DGKD: variants seen among roughly 807,000 people sequenced by gnomAD.
DGKD encodes the protein diacylglycerol kinase delta.
In DGKD, 68 loss-of-function variants were observed where a neutral mutation model predicts 154.4. The ratio of observed to expected loss-of-function variants is 0.44; its 90% confidence interval spans 0.36 to 0.54. DGKD has a LOEUF of 0.54. DGKD is among the 20% of genes least tolerant of loss of function. DGKD has a pLI of 0.00. For synonymous variants in DGKD, 693 were observed against 638.0 expected (o/e 1.09, Z -1.30); for missense variants, 1,343 against 1,593.6 (o/e 0.84, Z 2.68).
chr2:233,394,384 AG>A (rs1181667403), intron 3 of DGKD, among the ~76,000 whole-genome samples: 2 of 152,088 alleles, frequency 1.3e-5, no homozygotes, highest in Non-Finnish European at 1.5e-5. Flanking sequence ...CTGGGACTAC[AG>A]GTGCTTGATA....
chr2:233,419,523 G>A, intron 3 of DGKD: 1 of 832,318 alleles, frequency 1.2e-6, no homozygotes, highest in Non-Finnish European at 1.4e-6. Context: ...GAGCTTCCTT[G>A]TAAGATGCTC....
At chr2:233,397,311 C>G (rs1163747149) in intron 3 of DGKD, among the ~76,000 whole-genome samples, 2 of 70,026 alleles carry the variant, frequency 2.9e-5, no homozygotes, top group Non-Finnish European at 5.6e-5. Context: ...GGGGGGGGGG[C>G]CAGAGCGAGA....
chr2:233,397,459 G>GC (rs2061440192), intron 3 of DGKD, among the ~76,000 whole-genome samples: 1 of 143,156 alleles, frequency 7.0e-6, no homozygotes, highest in East Asian at 2.2e-4. Flanking sequence ...CAGAGTGAGA[G>GC]GACACCAGAG....
intron 3 of DGKD, chr2:233,429,133 G>T: frequency 2.0e-6 from 2 of 985,248 alleles, no homozygotes; most frequent in Non-Finnish European, 2.4e-6. Context: ...TGGGCCCAAA[G>T]ATCCATCTTC....
intron 27 of DGKD, 85 bp from the exon 28 acceptor site, chr2:233,467,001 C>T: frequency 9.2e-7 from 1 of 1,088,734 alleles, no homozygotes; most frequent in Non-Finnish European, 1.4e-6. Flanking sequence ...GCCCTGCCTG[C>T]CCTCCCAGCC....
In DGKD at chr2:233,439,187, G is replaced by A. The variant is rs570537717; in HGVS notation, c.1085+808G>A. On this transcript the variant is annotated intron_variant, in intron 9 of 29. Coordinates refer to ENST00000264057, the MANE Select transcript of DGKD (RefSeq NM_152879.3). ...TCTAAGAGGACTTGCTGGCACTGCC[G>A]GAGATGTCCAGGATACCCGTAGTGG... 2.8e-4 allele frequency among the ~76,000 whole-genome samples: 42 copies of A among 152,344 alleles called. 1 individual carries two copies. Among genetic ancestry groups the A allele is most frequent in the South Asian group, 2.5e-3 (12 of 4,826 alleles).
intron 3 of DGKD, among the ~76,000 whole-genome samples, chr2:233,413,250 A>T (rs951841783): frequency 2.0e-5 from 3 of 152,094 alleles, no homozygotes; most frequent in African/African-American, 7.2e-5. Context: ...ATACATATAT[A>T]TGTAGTGAGT....
At chr2:233,442,060 C>A (rs777669954) in intron 10 of DGKD, 65 bp downstream of exon 10, 6 of 1,337,640 alleles carry the variant, frequency 4.5e-6, no homozygotes, top group Non-Finnish European at 5.4e-6. Context: ...GGAAATCATG[C>A]AGTCTCAGCT....
chr2:233,410,133 T>C (rs2061790484), intron 3 of DGKD, among the ~76,000 whole-genome samples: 1 of 152,194 alleles, frequency 6.6e-6, no homozygotes, highest in Non-Finnish European at 1.5e-5. Flanking sequence ...GCTGTTTTCT[T>C]TGTAGCTGAA....
Position 233,360,411 on chromosome 2 carries a change from T to G in DGKD, c.156+5737T>G, listed in dbSNP as rs138597014. 3.2e-3 allele frequency among the ~76,000 whole-genome samples: 483 copies of G among 152,252 alleles called. 1 individual carries two copies. Among genetic ancestry groups the G allele is most frequent in the African/African-American group, 0.011 (450 of 41,536 alleles). On this transcript the variant is annotated intron_variant, in intron 1 of 29. Coordinates refer to ENST00000264057, the MANE Select transcript of DGKD (RefSeq NM_152879.3). ...GACTCCAGATGCATTCCATGATGCC[T>G]GGCTAATTTAAAAACACATTTTTAT...
intron 16 of DGKD, 112 bp from the exon 17 acceptor site, chr2:233,450,810 T>C: frequency 1.4e-6 from 2 of 1,387,820 alleles, no homozygotes. Context: ...CTGCCTGTGG[T>C]TTGCAGCCCT....
At chr2:233,447,826 G>A (rs1439116239) in intron 12 of DGKD, 2 of 1,287,146 alleles carry the variant, frequency 1.6e-6, no homozygotes, top group Non-Finnish European at 2.0e-6. Context: ...AGGCCGTGCT[G>A]GGATCGCAGA....
At chr2:233,405,379 G>C (rs946839935) in intron 3 of DGKD, among the ~76,000 whole-genome samples, 19 of 152,194 alleles carry the variant, frequency 1.2e-4, no homozygotes, top group African/African-American at 4.6e-4. Flanking sequence ...TTAGCTGGGT[G>C]TGTTGGCACA....
chr2:233,411,789 T>G (rs758202535), intron 3 of DGKD, among the ~76,000 whole-genome samples: 16 of 152,178 alleles, frequency 1.1e-4, no homozygotes, highest in Admixed American at 2.6e-4. Flanking sequence ...GTTTTAGGTT[T>G]TACAGTTGGG....
chr2:233,414,393 C>T (rs147860709), intron 3 of DGKD, among the ~76,000 whole-genome samples: 60 of 152,326 alleles, frequency 3.9e-4, no homozygotes, highest in African/African-American at 1.3e-3. Context: ...ACAGCTGTGC[C>T]GCTCATGGAC....
chr2:233,414,149 A>G (rs1269997617), intron 3 of DGKD, among the ~76,000 whole-genome samples: 1 of 152,156 alleles, frequency 6.6e-6, no homozygotes, highest in East Asian at 1.9e-4. Context: ...GAGCAAACAC[A>G]TGAATCAGCC....
intron 3 of DGKD, among the ~76,000 whole-genome samples, chr2:233,431,633 C>G (rs747437372): frequency 3.3e-5 from 5 of 152,134 alleles, no homozygotes; most frequent in Non-Finnish European, 7.4e-5. Flanking sequence ...AGACACAGAA[C>G]AATGGAACAG....
chr2:233,401,398 C>T (rs2061554414), intron 3 of DGKD, among the ~76,000 whole-genome samples: 2 of 152,120 alleles, frequency 1.3e-5, no homozygotes, highest in African/African-American at 2.4e-5. Flanking sequence ...GTGTACTTAA[C>T]GTTTCATACT....
At chr2:233,417,756 G>A (rs2061994939) in intron 3 of DGKD, among the ~76,000 whole-genome samples, 1 of 152,152 alleles carries the variant, frequency 6.6e-6, no homozygotes, top group African/African-American at 2.4e-5. Context: ...TCAAACATGG[G>A]TAGGGATAAG....
Sources: gnomAD v4.1 joint callset for allele counts (sites outside exome capture counted in the v4.1 genomes callset) on GRCh38, gnomAD v4.1.1 for gene constraint, MANE v1.5 for transcripts, NCBI Gene and HGNC (gene_info 2026-07-23, HGNC 2026-07-21) for gene names.